PPP2R2B: variants seen among roughly 807,000 people sequenced by gnomAD.
PPP2R2B encodes serine/threonine-protein phosphatase 2A 55 kDa regulatory subunit B beta isoform.
PPP2R2B carries 5 observed loss-of-function variants against 46.0 expected under a neutral mutation model. The ratio of observed to expected loss-of-function variants is 0.11; its 90% CI spans 0.06 to 0.23. PPP2R2B has a LOEUF of 0.23. Ranked by LOEUF, PPP2R2B falls within the 10% of genes least tolerant of loss-of-function variation. The pLI, the probability that PPP2R2B is intolerant of heterozygous loss-of-function variation, is 1.00. For synonymous variants in PPP2R2B, 215 were observed against 206.7 expected, an observed-to-expected ratio of 1.04 and a Z score of -0.34; for missense variants, 367 against 575.0, an observed-to-expected ratio of 0.64 and a Z score of 3.70.
At chr5:146,955,019 A>T (rs1165757798) in intron 1 of PPP2R2B, among the ~76,000 whole-genome samples, 1 of 152,172 alleles carries the variant, frequency 6.6e-6, no homozygotes, top group Non-Finnish European at 1.5e-5. Flanking sequence ...CCTCCCAAGT[A>T]GGTATAATTT....
chr5:146,609,931 T>A (rs1047646943), intron 7 of PPP2R2B, among the ~76,000 whole-genome samples: 2 of 145,498 alleles, frequency 1.4e-5, no homozygotes, highest in African/African-American at 5.4e-5. Context: ...CGCCCGCCAT[T>A]GATTGCCCAG....
chr5:146,955,414 A>G (rs1429460628), intron 1 of PPP2R2B, among the ~76,000 whole-genome samples: 1 of 152,212 alleles, frequency 6.6e-6, no homozygotes, highest in Non-Finnish European at 1.5e-5. Context: ...TAGCAAGTAA[A>G]TAGGGCACAG....
chr5:146,757,872 A>G (rs1054361549), intron 2 of PPP2R2B, among the ~76,000 whole-genome samples: 1 of 152,176 alleles, frequency 6.6e-6, no homozygotes, highest in African/African-American at 2.4e-5. Flanking sequence ...TACAGGGTTT[A>G]AACTTCCATT....
chr5:147,077,777 T>G (rs1198219049), intron 2 of PPP2R2B, among the ~76,000 whole-genome samples: 1 of 152,176 alleles, frequency 6.6e-6, no homozygotes, highest in Non-Finnish European at 1.5e-5. Context: ...AAAGTGCACT[T>G]TCCAAACAAA....
At chr5:146,809,115 G>T (rs181863552) in intron 2 of PPP2R2B, among the ~76,000 whole-genome samples, 1 of 152,182 alleles carries the variant, frequency 6.6e-6, no homozygotes, top group East Asian at 1.9e-4. Context: ...AATGTCAGGG[G>T]CTTTGGGGGC....
rs1344974596 is a variant in PPP2R2B at position 146,876,527 on chromosome 5, T to C, written c.70+1475A>G. Among the ~76,000 whole-genome samples, 7 of 152,332 alleles carry C rather than the reference T, an allele frequency of 4.6e-5. No homozygotes were observed. In the East Asian group the frequency reaches 1.4e-3, roughly 29 times the overall value. ...CTTAGATACAGAGTTAGTCATGTGC[T>C]ATCAGGTCACTGAGTCAGTGACAAA... is the stretch of plus-strand genomic sequence containing the variant. On this transcript the variant is annotated intron_variant, in intron 2 of 9. Coordinates refer to ENST00000394411, the MANE Select transcript of PPP2R2B (RefSeq NM_181675.4).
chr5:146,938,416 C>G (rs936203762), intron 1 of PPP2R2B, among the ~76,000 whole-genome samples: 1 of 147,086 alleles, frequency 6.8e-6, no homozygotes, highest in Non-Finnish European at 1.5e-5. Context: ...ATTTGCCCAA[C>G]AACCTAAGCC....
intron 5 of PPP2R2B, among the ~76,000 whole-genome samples, chr5:146,659,272 T>C (rs1409764193): frequency 3.3e-5 from 5 of 152,250 alleles, no homozygotes; most frequent in African/African-American, 1.2e-4. Context: ...AAATCACATT[T>C]TCTGCAATTA....
chr5:146,956,636 G>A (rs961799099), intron 1 of PPP2R2B, among the ~76,000 whole-genome samples: 4 of 152,122 alleles, frequency 2.6e-5, no homozygotes, highest in Non-Finnish European at 5.9e-5. Flanking sequence ...GCTCTTTCCA[G>A]AAGACAATAT....
At chr5:146,666,827 G>T (rs1177788856) in intron 5 of PPP2R2B, among the ~76,000 whole-genome samples, 3 of 152,208 alleles carry the variant, frequency 2.0e-5, no homozygotes, top group Non-Finnish European at 4.4e-5. Context: ...TGTTAAAACA[G>T]ACTTCCCTTT....
intron 1 of PPP2R2B, among the ~76,000 whole-genome samples, chr5:147,037,312 C>T (rs1756087322): frequency 6.6e-6 from 1 of 151,264 alleles, no homozygotes; most frequent in African/African-American, 2.4e-5. Context: ...CATTATGATG[C>T]AAGAAAAACA....
At chr5:147,048,471 G>A (rs1345919816) in intron 1 of PPP2R2B, among the ~76,000 whole-genome samples, 2 of 152,152 alleles carry the variant, frequency 1.3e-5, no homozygotes, top group African/African-American at 2.4e-5. Flanking sequence ...GGCCTGGTAA[G>A]TAATGAGCCT....
chr5:147,002,750 G>A (rs549032008), intron 1 of PPP2R2B, among the ~76,000 whole-genome samples: 11 of 148,790 alleles, frequency 7.4e-5, no homozygotes, highest in East Asian at 3.9e-4. Context: ...GCGGGTTCTC[G>A]GGCAAGAGAT....
At chr5:147,013,052 C>T (rs535179692) in intron 1 of PPP2R2B, among the ~76,000 whole-genome samples, 1 of 151,208 alleles carries the variant, frequency 6.6e-6, no homozygotes, top group Admixed American at 6.6e-5. Flanking sequence ...GATACAAAAT[C>T]AACGTACAAA....
chr5:146,877,881 C>G, intron 2 of PPP2R2B, 121 bp downstream of exon 2: 1 of 1,216,980 alleles, frequency 8.2e-7, no homozygotes, highest in Non-Finnish European at 1.1e-6. Context: ...CAGCCGAGCC[C>G]CCGCCCCAGC....
intron 1 of PPP2R2B, among the ~76,000 whole-genome samples, chr5:146,887,693 T>G (rs1235350890): frequency 6.6e-6 from 1 of 152,178 alleles, no homozygotes; most frequent in Non-Finnish European, 1.5e-5. Context: ...GGTCAACCAT[T>G]TAGTTCAACA....
intron 2 of PPP2R2B, among the ~76,000 whole-genome samples, chr5:146,742,952 G>C (rs968904582): frequency 6.6e-5 from 10 of 152,206 alleles, no homozygotes; most frequent in African/African-American, 2.4e-4. Context: ...AGGAGGCTAG[G>C]AGAGGGGCCT....
Position 146,589,825 on chromosome 5 carries a change from T to TCCAATCATTTCCTGTATA in PPP2R2B, c.*104_*121dup. 9.4e-7 allele frequency: 1 copy of TCCAATCATTTCCTGTATA among 1,063,912 alleles called. No individual in the cohort carries two copies. The highest frequency in any genetic ancestry group is 1.5e-5 in the South Asian group (1 of 64,598). The allele number at this position is 1,063,912 out of a possible 1,614,324, so 65.9% of individuals were successfully genotyped here. A position where few individuals can be genotyped will look rare whatever the true frequency, so the allele number is the denominator to read the frequency against. ...AATGTTGGACTCCTTTTAATTCTAT[T>TCCAATCATTTCCTGTATA]CCAATCATTTCCTGTATAGGGAAAT... On this transcript the variant is annotated 3_prime_UTR_variant, in exon 10 of 10. Transcript: ENST00000394411.
intron 1 of PPP2R2B, among the ~76,000 whole-genome samples, chr5:146,926,839 A>G (rs550897891): frequency 6.6e-6 from 1 of 152,264 alleles, no homozygotes; most frequent in African/African-American, 2.4e-5. Flanking sequence ...CACTGCCCAT[A>G]TGCACAGCCT....
Sources: gnomAD v4.1 joint callset for allele counts (sites outside exome capture counted in the v4.1 genomes callset) on GRCh38, gnomAD v4.1.1 for gene constraint, MANE v1.5 for transcripts, NCBI Gene and HGNC (gene_info 2026-07-23, HGNC 2026-07-21) for gene names.